Variants in KCNMB3 observed in about 807,000 individuals in gnomAD.
KCNMB3 encodes potassium calcium-activated channel subfamily M regulatory beta subunit 3.
Under a neutral mutation model 11.9 loss-of-function variants are expected in KCNMB3, and 18 were observed. That is an observed-to-expected ratio of 1.51 (90% CI 1.04 to 2.23). The LOEUF (loss-of-function observed/expected upper bound fraction) is 2.23. Among genes scored for constraint, KCNMB3 ranks in the 30% most tolerant of loss-of-function variants. KCNMB3 has a pLI of 0.00. For missense variants in KCNMB3, 247 were observed against 329.4 expected (o/e 0.75, Z 1.94); for synonymous variants, 78 against 119.2 (o/e 0.65, Z 2.25).
At position 179,242,910 on chromosome 3, in the gene KCNMB3, T is replaced by C; in HGVS notation, c.822A>G (p.Lys274=). The change falls in exon 3 of 3, where the codon AAA becomes AAG. Residue 274 remains lysine (K), a synonymous_variant. Transcript: ENST00000392685. ...IMRRSKGRAE[K]S is the part of the protein sequence containing the mutation. ...CTTTAATTTGGCCACCGTCTTAAGA[T>C]TTCTCTGCTCTTCCTTTGCTCCTCC... 2 of 1,593,328 alleles carry C rather than the reference T, an allele frequency of 1.3e-6. No homozygotes were observed. The highest frequency in any genetic ancestry group is 2.7e-5 in the African/African-American group (2 of 74,552).
intron 1 of KCNMB3, chr3:179,260,578 G>T: frequency 3.2e-6 from 5 of 1,542,222 alleles, no homozygotes; most frequent in Non-Finnish European, 4.5e-6. Flanking sequence ...CTGTCGACTT[G>T]AGGGCATTTA....
chr3:179,253,355 A>C (rs1275750949), upstream of KCNMB3, among the ~76,000 whole-genome samples: 1 of 152,226 alleles, frequency 6.6e-6, no homozygotes, highest in Admixed American at 6.5e-5. Flanking sequence ...AATAAGACAG[A>C]CCTGTACTGT....
chr3:179,255,557 A>C (rs1036925142), upstream of KCNMB3, among the ~76,000 whole-genome samples: 1 of 152,210 alleles, frequency 6.6e-6, no homozygotes, highest in African/African-American at 2.4e-5. Flanking sequence ...TTAAATGGAA[A>C]GTATTAAAGA....
intron 2 of KCNMB3, among the ~76,000 whole-genome samples, chr3:179,243,881 A>C (rs1296319372): frequency 6.6e-6 from 1 of 152,148 alleles, no homozygotes; most frequent in South Asian, 2.1e-4. Context: ...GTACTGTGCT[A>C]AAGGCCAAAA....
intron 1 of KCNMB3, among the ~76,000 whole-genome samples, chr3:179,245,779 G>C (rs527577197): frequency 6.6e-6 from 1 of 152,142 alleles, no homozygotes; most frequent in South Asian, 2.1e-4. Flanking sequence ...GATTACAGGC[G>C]TGAGCCACGG....
At chr3:179,250,342 G>GCCA (rs1725792366) in intron 1 of KCNMB3, among the ~76,000 whole-genome samples, 2 of 152,188 alleles carry the variant, frequency 1.3e-5, no homozygotes, top group South Asian at 4.1e-4. Flanking sequence ...ACTACTATGT[G>GCCA]CCAGGTAGAC....
chr3:179,260,573 G>A (rs932775334), intron 1 of KCNMB3: 4 of 1,551,764 alleles, frequency 2.6e-6, no homozygotes, highest in Admixed American at 1.7e-5. Flanking sequence ...ATCCCCTGTC[G>A]ACTTGAGGGC....
chr3:179,251,537 C>T, upstream of KCNMB3: 1 of 1,340,768 alleles, frequency 7.5e-7, no homozygotes, highest in East Asian at 2.7e-5. Flanking sequence ...GCATAAGTGT[C>T]CCTTCATTTC....
chr3:179,248,739 A>C (rs1375102505), intron 1 of KCNMB3, among the ~76,000 whole-genome samples: 3 of 151,972 alleles, frequency 2.0e-5, no homozygotes, highest in African/African-American at 4.8e-5. Flanking sequence ...AAAAAAAAAA[A>C]AAAAAACTTA....
At chr3:179,249,210 TCAG>T (rs1725749536) in intron 1 of KCNMB3, among the ~76,000 whole-genome samples, 1 of 150,430 alleles carries the variant, frequency 6.6e-6, no homozygotes, top group African/African-American at 2.4e-5. Context: ...AGACGGGGTT[TCAG>T]CATGTTAGCC....
chr3:179,266,569 AG>A (rs1228438913), intron 1 of KCNMB3: 2 of 1,542,464 alleles, frequency 1.3e-6, no homozygotes, highest in East Asian at 4.5e-5. Context: ...TCACTCCCCA[AG>A]CTCGAGATGT....
rs959408006 is a variant in KCNMB3 at position 179,250,616 on chromosome 3, T to C, written c.248+127A>G. 256 of 981,314 alleles carry C rather than the reference T, an allele frequency of 2.6e-4. 2 individuals carry two copies. Among genetic ancestry groups the C allele is most frequent in the Non-Finnish European group, 3.7e-4 (242 of 650,874 alleles). The allele number at this position is 981,314 out of a possible 1,614,324, so 60.8% of individuals were successfully genotyped here. ...ACTGACAGCGGAAGAGGAATTGTAT[T>C]TTTCTTTTTCTAGACCATGGCAGAG... On this transcript the variant is annotated intron_variant, in intron 1 of 2. Transcript: ENST00000392685.
chr3:179,249,007 CTTT>C (rs1169837939), intron 1 of KCNMB3, among the ~76,000 whole-genome samples: 1 of 89,864 alleles, frequency 1.1e-5, no homozygotes. Context: ...GACCCCGTCT[CTTT>C]TTTTTTTTTT....
chr3:179,249,603 G>A (rs1381923018), intron 1 of KCNMB3, among the ~76,000 whole-genome samples: 1 of 152,092 alleles, frequency 6.6e-6, no homozygotes, highest in East Asian at 1.9e-4. Context: ...AATTCGGGAG[G>A]CAGAGGTTGC....
At chr3:179,246,447 T>C (rs1725646756) in intron 1 of KCNMB3, among the ~76,000 whole-genome samples, 2 of 152,062 alleles carry the variant, frequency 1.3e-5, no homozygotes, top group South Asian at 2.1e-4. Flanking sequence ...AAAAGCAATA[T>C]TTAGCTAGGT....
chr3:179,244,450 C>G, intron 2 of KCNMB3, 45 bp downstream of exon 2: 1 of 1,515,670 alleles, frequency 6.6e-7, no homozygotes, highest in Non-Finnish European at 9.2e-7. Context: ...GACAGTCTGG[C>G]AGGGAAGGGT....
chr3:179,263,383 G>C (rs545048209), intron 1 of KCNMB3, among the ~76,000 whole-genome samples: 4 of 152,302 alleles, frequency 2.6e-5, no homozygotes, highest in Non-Finnish European at 4.4e-5. Flanking sequence ...TCCCGCCCGC[G>C]CCTCTCCCTC....
upstream of KCNMB3, among the ~76,000 whole-genome samples, chr3:179,256,142 A>C (rs1726002861): frequency 6.6e-6 from 1 of 152,220 alleles, no homozygotes; most frequent in Admixed American, 6.5e-5. Flanking sequence ...GTAAGTAAAG[A>C]TATTAACTCT....
At chr3:179,262,258 C>T (rs1726238009) in intron 1 of KCNMB3, among the ~76,000 whole-genome samples, 1 of 152,182 alleles carries the variant, frequency 6.6e-6, no homozygotes, top group Non-Finnish European at 1.5e-5. Flanking sequence ...ATATATTATT[C>T]TCAAGCATGT....
Sources: gnomAD v4.1 joint callset for allele counts (sites outside exome capture counted in the v4.1 genomes callset) on GRCh38, gnomAD v4.1.1 for gene constraint, MANE v1.5 for transcripts, NCBI Gene and HGNC (gene_info 2026-07-23, HGNC 2026-07-21) for gene names.